LRMDA: variants seen among roughly 807,000 people sequenced by gnomAD.
The protein encoded by LRMDA is leucine-rich melanocyte differentiation-associated protein.
LRMDA carries 18 observed loss-of-function variants against 29.8 expected under a neutral mutation model. The ratio of observed to expected loss-of-function variants is 0.60; its 90% CI spans 0.42 to 0.90. LRMDA has a LOEUF of 0.90. LRMDA is among the 40% of genes least tolerant of loss of function. The pLI, the probability that LRMDA is intolerant of heterozygous loss-of-function variation, is 0.00. For missense variants in LRMDA, 273 were observed against 273.9 expected (o/e 1.00, Z 0.02); for synonymous variants, 125 against 109.4 (o/e 1.14, Z -0.89).
At chr10:75,980,781 C>T (rs949997746) in intron 2 of LRMDA, among the ~76,000 whole-genome samples, 1 of 152,192 alleles carries the variant, frequency 6.6e-6, no homozygotes, top group Non-Finnish European at 1.5e-5. Flanking sequence ...TTGAATTTCA[C>T]TTTCCTATTT....
intron 5 of LRMDA, among the ~76,000 whole-genome samples, chr10:76,134,006 C>T (rs114317871): frequency 1.9e-3 from 284 of 152,308 alleles, no homozygotes; most frequent in African/African-American, 6.6e-3. Flanking sequence ...CTTTGACTGT[C>T]CTCACCTCCC....
intron 2 of LRMDA, among the ~76,000 whole-genome samples, chr10:75,792,263 G>T (rs1843580897): frequency 1.4e-5 from 2 of 144,214 alleles, no homozygotes; most frequent in African/African-American, 2.6e-5. Context: ...ACTGGTGTTT[G>T]TTTGTTTGTT....
At chr10:75,857,598 A>G (rs1195436650) in intron 2 of LRMDA, among the ~76,000 whole-genome samples, 1 of 152,212 alleles carries the variant, frequency 6.6e-6, no homozygotes, top group Non-Finnish European at 1.5e-5. Context: ...TTCACATGTA[A>G]TATAATGGTG....
intron 2 of LRMDA, among the ~76,000 whole-genome samples, chr10:75,582,938 C>T (rs937955691): frequency 3.3e-5 from 5 of 152,230 alleles, no homozygotes; most frequent in Non-Finnish European, 5.9e-5. Context: ...AGGGCAGGCT[C>T]TTTGTACTCA....
intron 5 of LRMDA, among the ~76,000 whole-genome samples, chr10:76,190,043 C>T (rs1030031158): frequency 3.9e-5 from 6 of 152,134 alleles, no homozygotes; most frequent in East Asian, 1.9e-4. Flanking sequence ...AGCATAGCCT[C>T]GACCTCAAGG....
At chr10:75,497,617 C>G (rs1016343342) in intron 2 of LRMDA, among the ~76,000 whole-genome samples, 4 of 151,620 alleles carry the variant, frequency 2.6e-5, no homozygotes, top group African/African-American at 9.7e-5. Context: ...TTCCTGCTCC[C>G]TCCCCTCCAT....
intron 2 of LRMDA, among the ~76,000 whole-genome samples, chr10:75,445,333 T>A: frequency 6.6e-6 from 1 of 152,130 alleles, no homozygotes; most frequent in African/African-American, 2.4e-5. Context: ...TATAAATAGC[T>A]CTAATATAAA....
intron 2 of LRMDA, among the ~76,000 whole-genome samples, chr10:75,928,759 A>G (rs1434831732): frequency 6.6e-6 from 1 of 152,082 alleles, no homozygotes; most frequent in Non-Finnish European, 1.5e-5. Flanking sequence ...ACTGGGTGGC[A>G]TGCTCCATAA....
At chr10:76,052,552 T>C (rs560848250) in intron 4 of LRMDA, among the ~76,000 whole-genome samples, 2 of 151,970 alleles carry the variant, frequency 1.3e-5, no homozygotes, top group African/African-American at 2.4e-5. Flanking sequence ...GCAGAGAAAA[T>C]TGATTTTGGA....
chr10:76,306,643 A>G (rs904545796), intron 5 of LRMDA, among the ~76,000 whole-genome samples: 3 of 152,230 alleles, frequency 2.0e-5, no homozygotes, highest in African/African-American at 7.2e-5. Context: ...AAAGATAAAG[A>G]GGGCCGAGTG....
intron 2 of LRMDA, among the ~76,000 whole-genome samples, chr10:75,833,953 T>C (rs1055747247): frequency 6.6e-6 from 1 of 152,172 alleles, no homozygotes; most frequent in African/African-American, 2.4e-5. Flanking sequence ...TCTGTGTGGC[T>C]TGAGGACCTG....
chr10:75,733,989 A>G (rs758511366), intron 2 of LRMDA, among the ~76,000 whole-genome samples: 6 of 152,140 alleles, frequency 3.9e-5, no homozygotes, highest in Non-Finnish European at 8.8e-5. Flanking sequence ...TCCCTTCAAG[A>G]TTCTTACCTT....
intron 5 of LRMDA, among the ~76,000 whole-genome samples, chr10:76,069,136 G>C (rs1425261971): frequency 1.3e-5 from 2 of 152,158 alleles, no homozygotes; most frequent in African/African-American, 2.4e-5. Flanking sequence ...CCTAGAAGTT[G>C]TTTTGCCCAC....
chr10:76,214,903 A>G (rs1851702199), intron 5 of LRMDA, among the ~76,000 whole-genome samples: 2 of 152,224 alleles, frequency 1.3e-5, no homozygotes, highest in Admixed American at 1.3e-4. Flanking sequence ...AGTGCTGGGA[A>G]CAGCAGAACT....
chr10:75,467,151 C>G (rs972203632), intron 2 of LRMDA, among the ~76,000 whole-genome samples: 2 of 152,074 alleles, frequency 1.3e-5, no homozygotes, highest in Non-Finnish European at 2.9e-5. Context: ...GGCAGTCGGC[C>G]CATCCTGGAG....
chr10:76,325,710 T>C (rs544933864), intron 6 of LRMDA, among the ~76,000 whole-genome samples: 98 of 152,296 alleles, frequency 6.4e-4, no homozygotes, highest in Admixed American at 2.6e-3. Context: ...ATTGAATAAG[T>C]TGCATAGAAA....
chr10:75,436,829 C>A (rs1242969357), intron 1 of LRMDA, among the ~76,000 whole-genome samples: 2 of 152,136 alleles, frequency 1.3e-5, no homozygotes, highest in Non-Finnish European at 2.9e-5. Context: ...TAGAATAGGG[C>A]CTTATAGCCA....
chr10:76,226,876 A>G (rs1165096104), intron 5 of LRMDA, among the ~76,000 whole-genome samples: 2 of 152,206 alleles, frequency 1.3e-5, no homozygotes, highest in Non-Finnish European at 2.9e-5. Context: ...TCTTTTCTTT[A>G]TAAATTACCC....
intron 5 of LRMDA, among the ~76,000 whole-genome samples, chr10:76,061,967 T>A (rs1030996173): frequency 6.6e-6 from 1 of 152,210 alleles, no homozygotes; most frequent in Non-Finnish European, 1.5e-5. Flanking sequence ...AGGCTGGTTC[T>A]CACCTGTTCA....
Sources: gnomAD v4.1 joint callset for allele counts (sites outside exome capture counted in the v4.1 genomes callset) on GRCh38, gnomAD v4.1.1 for gene constraint, MANE v1.5 for transcripts, NCBI Gene and HGNC (gene_info 2026-07-23, HGNC 2026-07-21) for gene names.